The following FAM151B variants were observed in gnomAD, a reference collection of about 807,000 sequenced individuals.
FAM151B encodes family with sequence similarity 151 member B.
A neutral mutation model predicts 31.2 loss-of-function variants in FAM151B; 24 were observed. The observed-to-expected ratio is 0.77, with a 90% CI of 0.56 to 1.08. The LOEUF (loss-of-function observed/expected upper bound fraction) is 1.08. Among genes scored for constraint, FAM151B ranks in the 50% least tolerant of loss-of-function variants. FAM151B has a pLI of 0.00. For missense variants in FAM151B, 293 were observed against 328.6 expected (o/e 0.89, Z 0.84); for synonymous variants, 105 against 111.4 (o/e 0.94, Z 0.36).
At chr5:80,504,203 A>C (rs941272590) in intron 2 of FAM151B, among the ~76,000 whole-genome samples, 1 of 152,208 alleles carries the variant, frequency 6.6e-6, no homozygotes, top group Non-Finnish European at 1.5e-5. Context: ...ATCTACTTAG[A>C]TGTTTCAACC....
At chr5:80,509,980 G>A (rs1744119026) in intron 2 of FAM151B, among the ~76,000 whole-genome samples, 1 of 152,192 alleles carries the variant, frequency 6.6e-6, no homozygotes, top group Non-Finnish European at 1.5e-5. Flanking sequence ...CAGCTTCCAT[G>A]AACAGTTCCC....
intron 1 of FAM151B, among the ~76,000 whole-genome samples, chr5:80,492,468 AAAAT>A (rs1472442792): frequency 1.3e-5 from 2 of 152,154 alleles, no homozygotes; most frequent in Non-Finnish European, 2.9e-5. Flanking sequence ...GCGAGGATAA[AAAAT>A]AAATAAATAA....
In FAM151B at chr5:80,491,153, G is replaced by A. The variant is rs140515089; in HGVS notation, c.25+3005G>A. Among the ~76,000 whole-genome samples the A allele has an allele frequency of 4.6e-3, 698 of 151,952 alleles. 3 individuals are homozygous for A. The highest frequency in any genetic ancestry group is 0.015 in the African/African-American group (638 of 41,412). On this transcript the variant is annotated intron_variant, in intron 1 of 5. Transcript: ENST00000282226. Reference sequence around the variant, plus strand: ...CACATACTTATCATTTCTTTGTAATGAGAACATTTAAAATCTACTCATTTA... The same window carrying A: ...CACATACTTATCATTTCTTTGTAATAAGAACATTTAAAATCTACTCATTTA...
chr5:80,538,593 T>A (rs1327084029), intron 5 of FAM151B, among the ~76,000 whole-genome samples: 3 of 143,308 alleles, frequency 2.1e-5, no homozygotes, highest in Non-Finnish European at 4.6e-5. Flanking sequence ...TTTCCTCCTT[T>A]CTTTCTTTTC....
chr5:80,533,269 C>T lies in FAM151B; in HGVS notation c.672-8404C>T, dbSNP rs1248355089. ...GCGGGTGCCTGTAGTCCCAGCTACT[C>T]GGGAGGCTGAGGCAGGAGAATGGTG... On this transcript the variant is annotated intron_variant, in intron 5 of 5. Transcript: ENST00000282226. 4.0e-5 allele frequency among the ~76,000 whole-genome samples: 6 copies of T among 151,886 alleles called. No individual in the cohort carries two copies. In the East Asian group the frequency reaches 9.7e-4, roughly 25 times the overall value.
At chr5:80,539,466 T>TTTTTG (rs1296853172) in intron 5 of FAM151B, among the ~76,000 whole-genome samples, 6 of 152,244 alleles carry the variant, frequency 3.9e-5, no homozygotes, top group South Asian at 2.1e-4. Context: ...GTTTTTTTAC[T>TTTTTG]TTTTGTTTTG....
chr5:80,529,443 C>G (rs1160956675), intron 5 of FAM151B, among the ~76,000 whole-genome samples: 1 of 152,134 alleles, frequency 6.6e-6, no homozygotes, highest in African/African-American at 2.4e-5. Flanking sequence ...AGCAATGAAT[C>G]CAGGAGCTGG....
chr5:80,495,709 A>G (rs1446299136), intron 1 of FAM151B, among the ~76,000 whole-genome samples: 2 of 152,072 alleles, frequency 1.3e-5, no homozygotes, highest in Non-Finnish European at 2.9e-5. Context: ...GGACGCCTGT[A>G]GTCCCAGCCA....
At chr5:80,490,713 A>G (rs1743291424) in intron 1 of FAM151B, among the ~76,000 whole-genome samples, 2 of 152,340 alleles carry the variant, frequency 1.3e-5, no homozygotes, top group Middle Eastern at 3.4e-3. Flanking sequence ...AGTGTTTTCA[A>G]GATTCATCCA....
chr5:80,501,315 C>T (rs767269101), intron 1 of FAM151B: 69 of 1,048,716 alleles, frequency 6.6e-5, no homozygotes, highest in Middle Eastern at 3.3e-4. Flanking sequence ...CCACCGCGCC[C>T]GGCCGAGAGA....
At position 80,541,686 on chromosome 5, in the gene FAM151B, A is replaced by G; in HGVS notation, c.685A>G (p.Ile229Val). ...LKKSNRYSLT[I>V]WTGKNDNYSV... ...ATTTCAATGCAGGTACAGCCTGACT[A>G]TTTGGACTGGAAAAAATGATAACTA... The change falls in exon 6 of 6, where the codon ATT becomes GTT. Residue 229 changes from isoleucine to valine, a missense_variant. By Grantham distance (29) the Ile-to-Val change is conservative. Transcript: ENST00000282226. 6.2e-7 allele frequency: 1 copy of G among 1,613,534 alleles called. No individual in the cohort carries two copies. Among genetic ancestry groups the G allele is most frequent in the Non-Finnish European group, 8.5e-7 (1 of 1,179,720 alleles).
At chr5:80,506,126 G>T in intron 2 of FAM151B, 1 of 985,052 alleles carries the variant, frequency 1.0e-6, no homozygotes, top group Non-Finnish European at 1.2e-6. Context: ...TCCATTTGTA[G>T]CTCCAGGGGT....
At chr5:80,508,428 C>T (rs1744063025) in intron 2 of FAM151B, among the ~76,000 whole-genome samples, 1 of 152,000 alleles carries the variant, frequency 6.6e-6, no homozygotes, top group African/African-American at 2.4e-5. Flanking sequence ...ACATCTTTGC[C>T]AACACTTGTT....
In FAM151B at chr5:80,507,865, C is replaced by T. The variant is rs140771183; in HGVS notation, c.152-5739C>T. Reference sequence around the variant, plus strand: ...CTCACAGCAGTGCCTTGCATGGCTACGCTCCCTCCTCCTTGGGCTGTCACA... The same window carrying T: ...CTCACAGCAGTGCCTTGCATGGCTATGCTCCCTCCTCCTTGGGCTGTCACA... On this transcript the variant is annotated intron_variant, in intron 2 of 5. Transcript: ENST00000282226. Among the ~76,000 whole-genome samples the T allele has an allele frequency of 7.8e-3, 1,193 of 152,246 alleles. 17 individuals are homozygous for T. Among genetic ancestry groups the T allele is most frequent in the African/African-American group, 0.027 (1,135 of 41,540 alleles).
At position 80,488,141 on chromosome 5, in the gene FAM151B, A is replaced by C. The variant is rs1334408026; in HGVS notation, c.18A>C (p.Gly6=). The change falls in exon 1 of 6, where the codon GGA becomes GGC. Residue 6 remains glycine (G), a synonymous_variant. Coordinates refer to ENST00000282226, the MANE Select transcript of FAM151B (RefSeq NM_205548.3). ...TCGTCACCATGGCAGCATCCGCTGG[A>C]GGCCCAGGTAAGCGCCGAGCGCGCG... MAASA[G]GPGSWSENIL... is the part of the protein sequence containing the mutation. 1.9e-6 allele frequency: 3 copies of C among 1,543,198 alleles called. No homozygotes were observed. The East Asian group carries it at 7.4e-5, about 38-fold the overall frequency.
chr5:80,522,435 G>A lies in FAM151B; in HGVS notation c.671+297G>A, dbSNP rs1248682410. The A allele has an allele frequency of 3.1e-5, 7 of 227,284 alleles. No individual in the cohort carries two copies. The Admixed American group carries it at 4.0e-4, about 13-fold the overall frequency. 14.1% of individuals were successfully genotyped at this position (227,284 alleles called of 1,614,324 possible). A position where few individuals can be genotyped will look rare whatever the true frequency, so the allele number is the denominator to read the frequency against. On this transcript the variant is annotated intron_variant, in intron 5 of 5. Coordinates refer to ENST00000282226, the MANE Select transcript of FAM151B (RefSeq NM_205548.3). ...TATATATTCACAAAAAATTATGAGT[G>A]GATAAATTAGCTTCTTTTTAAATTT...
Position 80,541,747 on chromosome 5 carries a change from T to G in FAM151B, c.746T>G (p.Phe249Cys). The G allele has an allele frequency of 6.2e-7, 1 of 1,613,724 alleles. No individual in the cohort carries two copies. The stretch of plus-strand genomic sequence containing the variant: ...GATTTACTTTACATTAGAGACCATT[T>G]TGACAAAAAACAAGTTTTCTATGAC... ...VEDLLYIRDH[F>C]DKKQVFYDIL... The change falls in exon 6 of 6, where the codon TTT becomes TGT. Residue 249 changes from phenylalanine to cysteine, a missense_variant. Coordinates refer to ENST00000282226, the MANE Select transcript of FAM151B (RefSeq NM_205548.3).
At chr5:80,501,670 ATC>A in intron 1 of FAM151B, 120 bp from the exon 2 acceptor site, 9 of 618,178 alleles carry the variant, frequency 1.5e-5, no homozygotes, top group East Asian at 3.0e-5. Context: ...CTATCTATCT[ATC>A]TATATATATA....
At chr5:80,534,940 C>A (rs1169501009) in intron 5 of FAM151B, among the ~76,000 whole-genome samples, 1 of 152,038 alleles carries the variant, frequency 6.6e-6, no homozygotes, top group East Asian at 1.9e-4. Context: ...ACAAAAATTG[C>A]TAACATTTCT....
Sources: allele counts gnomAD v4.1 joint callset (sites outside exome capture counted in the v4.1 genomes callset), GRCh38; gene constraint gnomAD v4.1.1; transcripts MANE v1.5; gene names NCBI Gene and HGNC (gene_info 2026-07-23, HGNC 2026-07-21).